L3MBTL3: variants seen among roughly 807,000 people sequenced by gnomAD.
The protein encoded by L3MBTL3 is lethal(3)malignant brain tumor-like protein 3.
In L3MBTL3, 27 loss-of-function variants were observed where a neutral mutation model predicts 102.3. That is an observed-to-expected ratio of 0.26 (90% CI 0.19 to 0.36). The LOEUF (loss-of-function observed/expected upper bound fraction) is 0.36. L3MBTL3 is among the 10% of genes least tolerant of loss of function. L3MBTL3 has a pLI of 1.00. For synonymous variants in L3MBTL3, 340 were observed against 320.9 expected (o/e 1.06, Z -0.64); for missense variants, 798 against 955.3 (o/e 0.84, Z 2.17).
At chr6:130,107,715 C>G (rs530633747) in intron 19 of L3MBTL3, among the ~76,000 whole-genome samples, 1 of 152,300 alleles carries the variant, frequency 6.6e-6, no homozygotes, top group Middle Eastern at 3.4e-3. Context: ...AACCTTTTTT[C>G]TGTTTAGTAC....
chr6:130,027,830 T>G lies in L3MBTL3; in HGVS notation c.-16+5525T>G, dbSNP rs920619032. ...CATATTTAGCATATGCATAGAAATA[T>G]CTGTGTCAGGTTCTTGTTCTTTTTA... is the stretch of plus-strand genomic sequence containing the variant. On this transcript the variant is annotated intron_variant, in intron 2 of 22. Transcript: ENST00000361794. Among the ~76,000 whole-genome samples the G allele has an allele frequency of 1.2e-4, 18 of 152,344 alleles. No individual in the cohort carries two copies. In the East Asian group the frequency reaches 3.3e-3, roughly 28 times the overall value.
chr6:130,095,635 C>A (rs1202231264), intron 18 of L3MBTL3, among the ~76,000 whole-genome samples: 2 of 151,998 alleles, frequency 1.3e-5, no homozygotes, highest in Non-Finnish European at 2.9e-5. Context: ...TTTTGTGTTG[C>A]TATAATAGAA....
chr6:130,098,441 G>A (rs981108471), intron 18 of L3MBTL3, among the ~76,000 whole-genome samples: 20 of 152,284 alleles, frequency 1.3e-4, no homozygotes, highest in African/African-American at 3.4e-4. Flanking sequence ...AGAGAGAAGC[G>A]TCAGCTTTTT....
intron 13 of L3MBTL3, among the ~76,000 whole-genome samples, chr6:130,072,768 T>A (rs962044194): frequency 6.6e-6 from 1 of 152,166 alleles, no homozygotes; most frequent in African/African-American, 2.4e-5. Context: ...TTTTTATTTT[T>A]AAAAATATAA....
intron 19 of L3MBTL3, among the ~76,000 whole-genome samples, chr6:130,109,071 G>T (rs551313011): frequency 6.6e-6 from 1 of 152,302 alleles, no homozygotes; most frequent in South Asian, 2.1e-4. Context: ...ATTTCATGGT[G>T]TATGTGTGTC....
chr6:130,138,168 A>G (rs369163423), intron 22 of L3MBTL3: 1 of 152,232 alleles, frequency 6.6e-6, no homozygotes, highest in African/African-American at 2.4e-5. Context: ...CTTAAGAAGT[A>G]GCAATTTAAT....
chr6:130,133,735 T>G lies in L3MBTL3; in HGVS notation c.2137-108T>G. On this transcript the variant is annotated intron_variant, in intron 21 of 22. Coordinates refer to ENST00000361794, the MANE Select transcript of L3MBTL3 (RefSeq NM_032438.4). The surrounding 1 kb of genome is among the most constrained non-coding windows in gnomAD (Gnocchi z 4.9). Reference sequence around the variant, plus strand: ...CTTTTTTTTTCTGAAAGAGAAGAAATTATTGTGAGAGAAATAACTAATGCA... The same window carrying G: ...CTTTTTTTTTCTGAAAGAGAAGAAAGTATTGTGAGAGAAATAACTAATGCA... 4 of 1,474,734 alleles carry G rather than the reference T, an allele frequency of 2.7e-6. No homozygotes were observed. Among genetic ancestry groups the G allele is most frequent in the Non-Finnish European group, 3.7e-6 (4 of 1,069,646 alleles). 91.4% of individuals were successfully genotyped at this position (1,474,734 alleles called of 1,614,324 possible).
At position 130,038,028 on chromosome 6, in the gene L3MBTL3, T is replaced by A. The variant is rs1057399518; in HGVS notation, c.-15-4657T>A. Among the ~76,000 whole-genome samples, 43 of 152,156 alleles carry A rather than the reference T, an allele frequency of 2.8e-4. 1 individual carries two copies. The highest frequency in any genetic ancestry group is 1.0e-3 in the African/African-American group (43 of 41,454). On this transcript the variant is annotated intron_variant, in intron 2 of 22. Coordinates refer to ENST00000361794, the MANE Select transcript of L3MBTL3 (RefSeq NM_032438.4). ...ACATATGAATGAGAACATGTGATATTTGTCTTTCTGAGCCTACCTTCTTTT... is the reference window on the plus strand; with the variant it reads ...ACATATGAATGAGAACATGTGATATATGTCTTTCTGAGCCTACCTTCTTTT...
At chr6:130,121,867 G>C (rs1339510622) in intron 20 of L3MBTL3, among the ~76,000 whole-genome samples, 1 of 152,188 alleles carries the variant, frequency 6.6e-6, no homozygotes, top group Admixed American at 6.5e-5. Flanking sequence ...CCAACACGGT[G>C]AAACCCCATC....
At chr6:130,083,096 A>G (rs577408590) in intron 14 of L3MBTL3, among the ~76,000 whole-genome samples, 5 of 152,284 alleles carry the variant, frequency 3.3e-5, no homozygotes, top group Admixed American at 2.6e-4. Flanking sequence ...CATTCTATTA[A>G]TAATGTTACA....
intron 2 of L3MBTL3, among the ~76,000 whole-genome samples, chr6:130,028,362 T>G (rs147032653): frequency 1.3e-5 from 2 of 152,252 alleles, no homozygotes; most frequent in East Asian, 3.9e-4. Context: ...TGAGAAAATA[T>G]CAATAAGATG....
chr6:130,054,517 AG>A (rs1781336750), intron 7 of L3MBTL3, among the ~76,000 whole-genome samples: 1 of 152,190 alleles, frequency 6.6e-6, no homozygotes, highest in African/African-American at 2.4e-5. Flanking sequence ...TGTTAGAGGT[AG>A]GGTTGTCAGA....
chr6:130,068,498 A>G (rs1025444647), intron 12 of L3MBTL3, 77 bp downstream of exon 12: 32 of 734,734 alleles, frequency 4.4e-5, no homozygotes, highest in South Asian at 3.4e-4. Context: ...TACAAGTGAT[A>G]ACAAGGAACT....
intron 16 of L3MBTL3, among the ~76,000 whole-genome samples, chr6:130,091,030 A>C (rs551125612): frequency 6.7e-6 from 1 of 150,008 alleles, no homozygotes; most frequent in African/African-American, 2.4e-5. Context: ...TGAGGAAGAG[A>C]GTTCTTGACA....
At chr6:130,060,460 C>G (rs549380442) in intron 10 of L3MBTL3, among the ~76,000 whole-genome samples, 5 of 151,772 alleles carry the variant, frequency 3.3e-5, no homozygotes, top group Non-Finnish European at 7.4e-5. Flanking sequence ...CCAACAGATA[C>G]TTGTGTGTGT....
intron 6 of L3MBTL3, among the ~76,000 whole-genome samples, chr6:130,052,048 T>A (rs1255838463): frequency 5.3e-5 from 8 of 152,192 alleles, no homozygotes; most frequent in Non-Finnish European, 1.5e-5. Context: ...ACTGGACATT[T>A]ATATTTTAGT....
At chr6:130,117,078 C>T (rs757921361) in intron 19 of L3MBTL3, among the ~76,000 whole-genome samples, 4,859 of 137,534 alleles carry the variant, frequency 0.035, 125 homozygotes, top group African/African-American at 0.078. Flanking sequence ...CCCACTAACT[C>T]GTCATCTAGC....
At chr6:130,137,069 C>A (rs1582669812) in intron 22 of L3MBTL3, among the ~76,000 whole-genome samples, 2 of 152,272 alleles carry the variant, frequency 1.3e-5, no homozygotes, top group South Asian at 4.1e-4. Flanking sequence ...TATGTCTAAG[C>A]CCAAGAAGAG....
intron 16 of L3MBTL3, among the ~76,000 whole-genome samples, chr6:130,087,272 G>A (rs117248467): frequency 0.012 from 1,772 of 152,088 alleles, 20 homozygotes; most frequent in South Asian, 0.021. Flanking sequence ...GAATCATGTA[G>A]CATTTTAGAA....
Sources: allele counts gnomAD v4.1 joint callset (sites outside exome capture counted in the v4.1 genomes callset), GRCh38; gene constraint gnomAD v4.1.1; non-coding constraint Gnocchi (gnomAD v3.1); transcripts MANE v1.5; gene names NCBI Gene and HGNC (gene_info 2026-07-23, HGNC 2026-07-21).